Variants in SUSD1 observed in about 807,000 individuals in gnomAD.
SUSD1 encodes sushi domain containing 1, also known as sushi domain-containing protein 1.
A neutral mutation model predicts 86.9 loss-of-function variants in SUSD1; 65 were observed. The ratio of observed to expected loss-of-function variants is 0.75; its 90% CI spans 0.61 to 0.92. The LOEUF (loss-of-function observed/expected upper bound fraction) is 0.92, where lower values mean the gene tolerates loss of function less well. SUSD1 is among the 40% of genes least tolerant of loss of function. The pLI, the probability that SUSD1 is intolerant of heterozygous loss-of-function variation, is 0.00. For missense variants in SUSD1, 850 were observed against 929.7 expected (o/e 0.91, Z 1.11); for synonymous variants, 346 against 350.0 (o/e 0.99, Z 0.13).
intron 10 of SUSD1, among the ~76,000 whole-genome samples, chr9:112,086,253 A>G (rs1241867808): frequency 6.6e-6 from 1 of 151,106 alleles, no homozygotes; most frequent in Non-Finnish European, 1.5e-5. Flanking sequence ...AGGAGGTCAA[A>G]GCTGCAGTGA....
chr9:112,154,994 T>C (rs1192045157), intron 2 of SUSD1, among the ~76,000 whole-genome samples: 3 of 152,108 alleles, frequency 2.0e-5, no homozygotes, highest in Non-Finnish European at 4.4e-5. Context: ...CTCACGTCTG[T>C]AATCCCAGCA....
intron 8 of SUSD1, among the ~76,000 whole-genome samples, chr9:112,110,392 A>G (rs1831039281): frequency 6.6e-6 from 1 of 151,822 alleles, no homozygotes; most frequent in African/African-American, 2.4e-5. Flanking sequence ...AGGTTTGTCT[A>G]CCGGGTTTTT....
Position 112,041,417 on chromosome 9 carries a change from G to C in SUSD1, c.*75C>G. 1 of 780,100 alleles carries C rather than the reference G, an allele frequency of 1.3e-6. No homozygotes were observed. Among genetic ancestry groups the C allele is most frequent in the South Asian group, 1.3e-5 (1 of 74,486 alleles). 48.3% of individuals were successfully genotyped at this position (780,100 alleles called of 1,614,324 possible). A position where few individuals can be genotyped will look rare whatever the true frequency, so the allele number is the denominator to read the frequency against. ...TGGACGGAAGTCACACGGAGCCTCT[G>C]TGCGGGCACCTGAGAAGCTGCCAGA... is the stretch of plus-strand genomic sequence containing the variant. On this transcript the variant is annotated 3_prime_UTR_variant, in exon 17 of 17. Transcript: ENST00000374270.
chr9:112,081,616 A>G (rs895709954), intron 10 of SUSD1, among the ~76,000 whole-genome samples: 2 of 152,234 alleles, frequency 1.3e-5, no homozygotes, highest in African/African-American at 4.8e-5. Context: ...AAAAAGGTGG[A>G]AGGGTCCCCA....
In SUSD1 at chr9:112,142,406, C is replaced by T; in HGVS notation, c.620G>A (p.Arg207Lys). ...SLGSQVRYAC[R>K]EGFFSVPEDT... ...TTCTGGAACACTGAAGAATCCTTCT[C>T]TGCAAGCATAACGAACCTGGCTGCC... The change falls in exon 5 of 17, where the codon AGA becomes AAA. Residue 207 changes from arginine to lysine, a missense_variant. Arg to Lys is a conservative substitution (Grantham distance 26). Coordinates refer to ENST00000374270, the MANE Select transcript of SUSD1 (RefSeq NM_022486.5). 1 of 1,614,144 alleles carries T rather than the reference C, an allele frequency of 6.2e-7. No homozygotes were observed. Among genetic ancestry groups the T allele is most frequent in the Non-Finnish European group, 8.5e-7 (1 of 1,180,020 alleles).
intron 1 of SUSD1, among the ~76,000 whole-genome samples, chr9:112,166,209 C>T (rs950630947): frequency 1.3e-5 from 2 of 152,212 alleles, no homozygotes; most frequent in African/African-American, 2.4e-5. Flanking sequence ...TTCTGCAGGA[C>T]TTTGCGGGAC....
chr9:112,047,279 C>T (rs6477877), intron 15 of SUSD1, among the ~76,000 whole-genome samples: 107,040 of 152,032 alleles, frequency 0.7, 39,016 homozygotes, highest in African/African-American at 0.9. Flanking sequence ...AACTCTATCA[C>T]GAGAACAGCA....
intron 15 of SUSD1, among the ~76,000 whole-genome samples, chr9:112,045,653 G>GTTGACTTCAAGTTACCTTGACTTCAAGTT (rs1564240642): frequency 6.6e-6 from 1 of 152,188 alleles, no homozygotes. Context: ...ATCACTTGAA[G>GTTGACTTCAAGTTACCTTGACTTCAAGTT]ACCTTGCTTT....
In SUSD1 at chr9:112,078,606, T is replaced by A; in HGVS notation, c.1685A>T (p.Tyr562Phe). Reference protein sequence around the residue: ...VCLDLRPGTNYNVSLRALSSE... With the variant: ...VCLDLRPGTNFNVSLRALSSE... ...AGACAGAGCCCGGAGACTGACATTG[T>A]AGTTGGTACCCGGACGTAGGTCCAA... The change falls in exon 12 of 17, where the codon TAC (tyrosine) becomes TTC (phenylalanine). Residue 562 changes from tyrosine to phenylalanine, a missense_variant. Tyr to Phe is a conservative substitution (Grantham distance 22, BLOSUM62 3). Coordinates refer to ENST00000374270, the MANE Select transcript of SUSD1 (RefSeq NM_022486.5). The A allele has an allele frequency of 6.2e-7, 1 of 1,614,080 alleles. No individual in the cohort carries two copies. Among genetic ancestry groups the A allele is most frequent in the Non-Finnish European group, 8.5e-7 (1 of 1,179,962 alleles).
chr9:112,060,978 C>T (rs1828697343), intron 13 of SUSD1, among the ~76,000 whole-genome samples: 1 of 152,192 alleles, frequency 6.6e-6, no homozygotes, highest in African/African-American at 2.4e-5. Context: ...ATTAGCCTGA[C>T]CGTAATCACC....
intron 5 of SUSD1, among the ~76,000 whole-genome samples, chr9:112,135,369 TATC>T (rs1163317881): frequency 6.6e-6 from 1 of 152,200 alleles, no homozygotes; most frequent in African/African-American, 2.4e-5. Context: ...ATATAACACT[TATC>T]ATCAATAAAT....
intron 1 of SUSD1, among the ~76,000 whole-genome samples, chr9:112,165,925 A>AAAGAAGAAC (rs1196611550): frequency 6.8e-5 from 6 of 88,248 alleles, no homozygotes; most frequent in African/African-American, 3.3e-4. Context: ...AAGAAAGAAA[A>AAAGAAGAAC]GAAAGAAAGA....
At chr9:112,100,542 A>C (rs1267736208) in intron 9 of SUSD1, among the ~76,000 whole-genome samples, 1 of 152,000 alleles carries the variant, frequency 6.6e-6, no homozygotes, top group Non-Finnish European at 1.5e-5. Flanking sequence ...GGTTAAAAAA[A>C]TTGTACCTGG....
intron 8 of SUSD1, among the ~76,000 whole-genome samples, 179 bp downstream of exon 8, chr9:112,111,475 G>A (rs1229232718): frequency 6.6e-6 from 1 of 152,142 alleles, no homozygotes; most frequent in Non-Finnish European, 1.5e-5. Context: ...ATTCAGCCTG[G>A]TACCAAGAGG....
At position 112,098,695 on chromosome 9, in the gene SUSD1, G is replaced by C. The variant is rs763096098; in HGVS notation, c.1282-33C>G. On this transcript the variant is annotated intron_variant, in intron 9 of 16. Coordinates refer to ENST00000374270, the MANE Select transcript of SUSD1 (RefSeq NM_022486.5). ...GAGATTAAAAGAAAGTGTTACATTAGATTTTCCATTGACTAACAGGTGCCT... is the reference window on the plus strand; with the variant it reads ...GAGATTAAAAGAAAGTGTTACATTACATTTTCCATTGACTAACAGGTGCCT... 18 of 1,605,678 alleles carry C rather than the reference G, an allele frequency of 1.1e-5. No homozygotes were observed. The South Asian group carries it at 1.9e-4, about 17-fold the overall frequency.
rs781206937 is a variant in SUSD1 at position 112,078,681 on chromosome 9, T to C, written c.1610A>G (p.Gln537Arg). The C allele has an allele frequency of 2.5e-6, 4 of 1,613,886 alleles. No individual in the cohort carries two copies. The African/African-American group carries it at 4.0e-5, about 16-fold the overall frequency. The change falls in exon 12 of 17, where the codon CAG becomes CGG. Residue 537 changes from glutamine (Q) to arginine (R), a missense_variant. Physicochemically the swap from Gln to Arg is conservative, Grantham distance 43. Coordinates refer to ENST00000374270, the MANE Select transcript of SUSD1 (RefSeq NM_022486.5). ...GCTACTGATATTAAAGGTCATTTCC[T>C]GGGCAAATTCCTTCTGATACCATCT... ...GQRWYQKEFA[Q>R]EMTFNISSSS...
At chr9:112,155,776 ATGTAG>A (rs1166559635) in intron 2 of SUSD1, among the ~76,000 whole-genome samples, 3 of 151,856 alleles carry the variant, frequency 2.0e-5, no homozygotes, top group Non-Finnish European at 4.4e-5. Flanking sequence ...ACCCCGGGCA[ATGTAG>A]TGAGACCCTG....
intron 3 of SUSD1, among the ~76,000 whole-genome samples, chr9:112,144,868 G>T (rs1245966072): frequency 2.0e-5 from 3 of 152,158 alleles, no homozygotes; most frequent in Non-Finnish European, 4.4e-5. Context: ...GGTAAAAACT[G>T]CCCAATAAGC....
chr9:112,046,440 G>C (rs1827958980), intron 15 of SUSD1, among the ~76,000 whole-genome samples: 1 of 152,142 alleles, frequency 6.6e-6, no homozygotes, highest in African/African-American at 2.4e-5. Context: ...AGTCCATTAA[G>C]ACTAAACTTC....
Sources: gnomAD v4.1 joint callset for allele counts (sites outside exome capture counted in the v4.1 genomes callset) on GRCh38, gnomAD v4.1.1 for gene constraint, MANE v1.5 for transcripts, NCBI Gene and HGNC (gene_info 2026-07-23, HGNC 2026-07-21) for gene names.